The following KDM2B variants were observed in gnomAD, a reference collection of about 807,000 sequenced individuals.
KDM2B encodes the protein lysine demethylase 2B, also known as lysine-specific demethylase 2B.
A neutral mutation model predicts 150.0 loss-of-function variants in KDM2B; 26 were observed. That is an observed-to-expected ratio of 0.17 (90% CI 0.13 to 0.24). KDM2B has a LOEUF of 0.24. Among genes scored for constraint, KDM2B ranks in the 10% least tolerant of loss-of-function variants. The probability of loss-of-function intolerance (pLI) is 1.00; values close to 1 mark genes in which losing one functional copy is unlikely to be tolerated. For missense variants in KDM2B, 1,265 were observed against 1,816.9 expected, an observed-to-expected ratio of 0.70 and a Z score of 5.52; for synonymous variants, 734 against 729.5, an observed-to-expected ratio of 1.01 and a Z score of -0.10.
chr12:121,444,609 C>A (rs1875821453), intron 14 of KDM2B, 73 bp from the exon 15 acceptor site: 1 of 1,252,980 alleles, frequency 8.0e-7, no homozygotes, highest in African/African-American at 1.5e-5. Context: ...CTCTGTGACG[C>A]CACGTCTTCC....
chr12:121,579,502 G>A (rs1277571348), intron 1 of KDM2B: 8 of 471,458 alleles, frequency 1.7e-5, no homozygotes, highest in Admixed American at 1.3e-4. Flanking sequence ...CGCCCCCGCC[G>A]CCCGCCCGCC....
chr12:121,510,896 G>A (rs1885527717), intron 10 of KDM2B, among the ~76,000 whole-genome samples: 1 of 152,026 alleles, frequency 6.6e-6, no homozygotes, highest in African/African-American at 2.4e-5. Flanking sequence ...GTCCCAGGCA[G>A]GGGACATCTA....
At chr12:121,568,065 G>A (rs1594146289) in intron 4 of KDM2B, among the ~76,000 whole-genome samples, 1 of 152,064 alleles carries the variant, frequency 6.6e-6, no homozygotes, top group East Asian at 1.9e-4. Flanking sequence ...CCCATCTGTG[G>A]TACTTTCTTA....
chr12:121,506,237 G>A (rs1353835221), intron 11 of KDM2B, among the ~76,000 whole-genome samples: 2 of 152,036 alleles, frequency 1.3e-5, no homozygotes, highest in African/African-American at 4.8e-5. Flanking sequence ...AAACTCCTGG[G>A]CTCGTGTGAT....
rs933699102 is a variant in KDM2B, at chr12:121,443,764, G to A, written c.2481C>T (p.Ser827=). ...RASSLQTSPG[S]SSHLSPRPPL... is the part of the protein sequence containing the mutation. ...GGGGCCTCGGCGAGAGGTGAGAGGAGGAACCGGGGGACGTTTGAAGCGATG... is the reference window on the plus strand; with the variant it reads ...GGGGCCTCGGCGAGAGGTGAGAGGAAGAACCGGGGGACGTTTGAAGCGATG... The change falls in exon 17 of 23, where the codon TCC becomes TCT. Residue 827 remains serine, a synonymous_variant. Coordinates refer to ENST00000377071, the MANE Select transcript of KDM2B (RefSeq NM_032590.5). 1 of 1,608,432 alleles carries A rather than the reference G, an allele frequency of 6.2e-7. No individual in the cohort carries two copies. The highest frequency in any genetic ancestry group is 1.7e-5 in the Admixed American group (1 of 59,522).
Position 121,430,372 on chromosome 12 carries a change from T to G in KDM2B, c.3927A>C (p.Glu1309Asp), listed in dbSNP as rs1872800808. 1 of 1,614,004 alleles carries G rather than the reference T, an allele frequency of 6.2e-7. No individual in the cohort carries two copies. The highest frequency in any genetic ancestry group is 1.3e-5 in the African/African-American group (1 of 74,930). The change falls in exon 23 of 23, where the codon GAA becomes GAC. Residue 1309 changes from glutamate to aspartate, a missense_variant. Glu to Asp is a conservative substitution (Grantham distance 45). Coordinates refer to ENST00000377071, the MANE Select transcript of KDM2B (RefSeq NM_032590.5). The surrounding 1 kb of genome is among the most constrained non-coding windows in gnomAD (Gnocchi z 4.4). ...DLRYCKQVTK[E>D]GCEQFIAEMS... ...TCTCGGCTATGAACTGCTCACAGCC[T>G]TCCTTGGTGACTTGCTTGCAGTACC... is the stretch of plus-strand genomic sequence containing the variant.
At chr12:121,495,491 G>T (rs1164072683) in intron 11 of KDM2B, among the ~76,000 whole-genome samples, 1 of 152,100 alleles carries the variant, frequency 6.6e-6, no homozygotes, top group Non-Finnish European at 1.5e-5. Context: ...TGCAGACAGG[G>T]TATATGCCAT....
rs1872852713 is a variant in KDM2B at position 121,430,678 on chromosome 12, A to G, written c.3830-209T>C. 1 of 580,882 alleles carries G rather than the reference A, an allele frequency of 1.7e-6. No homozygotes were observed. Among genetic ancestry groups the G allele is most frequent in the Non-Finnish European group, 3.1e-6 (1 of 326,678 alleles). 36.0% of individuals were successfully genotyped at this position (580,882 alleles called of 1,614,324 possible). Reference sequence around the variant, plus strand: ...ACCCGCCAGGTATAAAGGTTAATATATGCCTCAAAAGCATTCAGATAACCA... The same window carrying G: ...ACCCGCCAGGTATAAAGGTTAATATGTGCCTCAAAAGCATTCAGATAACCA... On this transcript the variant is annotated intron_variant, in intron 22 of 22. Coordinates refer to ENST00000377071, the MANE Select transcript of KDM2B (RefSeq NM_032590.5). This position sits in a 1 kb window ranked among gnomAD's most constrained non-coding sequence, Gnocchi z 4.4.
intron 9 of KDM2B, chr12:121,516,933 A>G: frequency 1.5e-6 from 1 of 648,540 alleles, no homozygotes; most frequent in South Asian, 1.7e-5. Context: ...GGGAGAGGGA[A>G]GGTAAATTAT....
intron 6 of KDM2B, among the ~76,000 whole-genome samples, chr12:121,537,000 G>A (rs1382964487): frequency 6.6e-6 from 1 of 152,244 alleles, no homozygotes; most frequent in Non-Finnish European, 1.5e-5. Flanking sequence ...AGTTGAGTCT[G>A]TGTCTGATCT....
rs1198567274 is a variant in KDM2B, at chr12:121,549,291, C to A, written c.576+169G>T. Among the ~76,000 whole-genome samples the A allele has an allele frequency of 6.6e-6, 1 of 152,086 alleles. No individual in the cohort carries two copies. Among genetic ancestry groups the A allele is most frequent in the Non-Finnish European group, 1.5e-5 (1 of 68,018 alleles). ...GCCAGCCTGGGCAACATAGCAAGAT[C>A]CCTGTCTCTACAAACCACGTTACCA... On this transcript the variant is annotated intron_variant, in intron 5 of 22. Coordinates refer to ENST00000377071, the MANE Select transcript of KDM2B (RefSeq NM_032590.5). This position sits in a 1 kb window ranked among gnomAD's most constrained non-coding sequence, Gnocchi z 4.4.
intron 6 of KDM2B, among the ~76,000 whole-genome samples, chr12:121,541,037 A>G (rs1473313990): frequency 6.6e-6 from 1 of 152,114 alleles, no homozygotes; most frequent in Non-Finnish European, 1.5e-5. Context: ...GTTCGAGACC[A>G]GCCTGACCAA....
intron 17 of KDM2B, 73 bp from the exon 18 acceptor site, chr12:121,443,103 C>G: frequency 7.1e-7 from 1 of 1,416,670 alleles, no homozygotes; most frequent in Non-Finnish European, 9.8e-7. Context: ...ACACCCCACC[C>G]CACCACGAGT....
At chr12:121,425,894 G>T (rs1322322317), downstream of KDM2B, among the ~76,000 whole-genome samples, 3 of 151,724 alleles carry the variant, frequency 2.0e-5, no homozygotes, top group African/African-American at 7.3e-5. Context: ...AGCCTCCCAA[G>T]TAGCTGGGAC....
chr12:121,488,137 A>G (rs1555299262), intron 12 of KDM2B, among the ~76,000 whole-genome samples: 1 of 152,138 alleles, frequency 6.6e-6, no homozygotes, highest in Non-Finnish European at 1.5e-5. Flanking sequence ...GTGCCAGCCC[A>G]TTTCAGCACA....
intron 12 of KDM2B, among the ~76,000 whole-genome samples, chr12:121,471,288 C>G (rs1880744515): frequency 6.6e-6 from 1 of 152,110 alleles, no homozygotes; most frequent in Non-Finnish European, 1.5e-5. Flanking sequence ...GAAAGAGGTC[C>G]CCAAAGCTGA....
chr12:121,461,143 CTT>C (rs1555293684), intron 12 of KDM2B, among the ~76,000 whole-genome samples: 52 of 152,184 alleles, frequency 3.4e-4, no homozygotes, highest in African/African-American at 1.2e-3. Context: ...TAAGGTGGGT[CTT>C]AGAGGGAGAA....
intron 1 of KDM2B, 165 bp from the exon 2 acceptor site, chr12:121,579,111 A>G: frequency 2.7e-6 from 2 of 750,958 alleles, no homozygotes; most frequent in Non-Finnish European, 4.2e-6. Context: ...GAAAAGCAGG[A>G]CAAGGAGAGG....
chr12:121,569,746 G>T (rs193298494), intron 4 of KDM2B, among the ~76,000 whole-genome samples: 237 of 152,276 alleles, frequency 1.6e-3, no homozygotes, highest in Admixed American at 3.5e-3. Flanking sequence ...CAAAGCACTT[G>T]AACATTCATC....
Sources: gnomAD v4.1 joint callset for allele counts (sites outside exome capture counted in the v4.1 genomes callset) on GRCh38, gnomAD v4.1.1 for gene constraint, Gnocchi (gnomAD v3.1) non-coding constraint, MANE v1.5 for transcripts, NCBI Gene and HGNC (gene_info 2026-07-23, HGNC 2026-07-21) for gene names.